The following NPLOC4 variants were observed in gnomAD, a reference collection of about 807,000 sequenced individuals.
NPLOC4 encodes NPL4 homolog, ubiquitin recognition factor, also known as nuclear protein localization protein 4 homolog.
Under a neutral mutation model 80.6 loss-of-function variants are expected in NPLOC4, and 18 were observed. The observed-to-expected ratio is 0.22, with a 90% CI of 0.15 to 0.33. The LOEUF (loss-of-function observed/expected upper bound fraction) is 0.33. NPLOC4 is among the 10% of genes least tolerant of loss of function. The probability of loss-of-function intolerance (pLI) is 1.00; values close to 1 mark genes in which losing one functional copy is unlikely to be tolerated. For missense variants in NPLOC4, 540 were observed against 786.1 expected (o/e 0.69, Z 3.74); for synonymous variants, 313 against 301.5 (o/e 1.04, Z -0.39).
At chr17:81,608,137 T>C (rs1011303450) in intron 6 of NPLOC4, among the ~76,000 whole-genome samples, 10 of 152,220 alleles carry the variant, frequency 6.6e-5, no homozygotes, top group African/African-American at 2.4e-4. Flanking sequence ...CCATGAGGAT[T>C]AGTGGCTGCA....
chr17:81,598,961 T>G (rs185285168), intron 9 of NPLOC4, among the ~76,000 whole-genome samples: 13 of 152,122 alleles, frequency 8.5e-5, no homozygotes, highest in East Asian at 3.9e-4. Flanking sequence ...TAAAGCAAAA[T>G]CAAAATCAAA....
At chr17:81,583,753 G>A (rs779282690) in intron 12 of NPLOC4, among the ~76,000 whole-genome samples, 1 of 152,192 alleles carries the variant, frequency 6.6e-6, no homozygotes, top group African/African-American at 2.4e-5. Flanking sequence ...ATATGGGACA[G>A]GGCAAAGCTG....
chr17:81,610,142 C>A, intron 5 of NPLOC4, 68 bp downstream of exon 5: 1 of 1,424,270 alleles, frequency 7.0e-7, no homozygotes, highest in East Asian at 2.5e-5. Context: ...TCAGGGCAAG[C>A]ACTTAAGACA....
At chr17:81,602,245 A>G (rs1568145714) in intron 8 of NPLOC4, among the ~76,000 whole-genome samples, 1 of 152,096 alleles carries the variant, frequency 6.6e-6, no homozygotes, top group Non-Finnish European at 1.5e-5. Flanking sequence ...AAACAAACAA[A>G]CAAACAAAAA....
intron 10 of NPLOC4, 46 bp downstream of exon 10, chr17:81,597,199 G>T: frequency 6.8e-7 from 1 of 1,474,350 alleles, no homozygotes; most frequent in Non-Finnish European, 9.5e-7. Context: ...AACACCATCT[G>T]TAACCAAGCC....
At chr17:81,632,177 T>C (rs748667383) in intron 1 of NPLOC4, among the ~76,000 whole-genome samples, 1 of 151,706 alleles carries the variant, frequency 6.6e-6, no homozygotes, top group South Asian at 2.1e-4. Context: ...GGTTTCAACA[T>C]GTTAGTCAAT....
intron 3 of NPLOC4, among the ~76,000 whole-genome samples, chr17:81,617,939 G>A (rs537330818): frequency 3.9e-5 from 6 of 152,288 alleles, no homozygotes; most frequent in African/African-American, 9.6e-5. Flanking sequence ...GATTGCAGAC[G>A]GAGTCTCGTT....
chr17:81,609,052 G>A (rs531764036), intron 5 of NPLOC4: 34 of 410,936 alleles, frequency 8.3e-5, no homozygotes, highest in African/African-American at 5.1e-4. Flanking sequence ...TCACTCTGTC[G>A]CCCAGGCTGG....
chr17:81,601,336 ACG>A (rs2035052164), intron 8 of NPLOC4, among the ~76,000 whole-genome samples: 1 of 152,248 alleles, frequency 6.6e-6, no homozygotes, highest in Non-Finnish European at 1.5e-5. Context: ...TACCTCCAGA[ACG>A]TAGGTTAAAT....
chr17:81,616,748 A>T (rs2035503902), intron 3 of NPLOC4, among the ~76,000 whole-genome samples: 1 of 152,042 alleles, frequency 6.6e-6, no homozygotes, highest in African/African-American at 2.4e-5. Context: ...AAAAAAGAGT[A>T]ACACACTACC....
Position 81,565,619 on chromosome 17 carries a change from CA to C in NPLOC4, c.1567-13del. The C allele has an allele frequency of 1.0e-5, 16 of 1,534,246 alleles. No homozygotes were observed. Among genetic ancestry groups the C allele is most frequent in the Non-Finnish European group, 1.3e-5 (15 of 1,143,040 alleles). On this transcript the variant is annotated splice_polypyrimidine_tract_variant and intron_variant, in intron 15 of 16. Transcript: ENST00000331134. ...AAGCTGATGCTGTCCTACAAGAAGCCAAAAGGAAGGTTCCTCTTCGCTGTGC... is the reference window on the plus strand; with the variant it reads ...AAGCTGATGCTGTCCTACAAGAAGCCAAAGGAAGGTTCCTCTTCGCTGTGC...
In NPLOC4 at chr17:81,558,703, C is replaced by CGACCTGCA. The variant is rs1222067852; in HGVS notation, c.*548_*555dup. On this transcript the variant is annotated 3_prime_UTR_variant, in exon 17 of 17. Transcript: ENST00000331134. ...GAGAGGAGGAGGGCAGGCAGCAAAC[C>CGACCTGCA]GACCTGCAGACCTGCAGAGGGGAGC... is the stretch of plus-strand genomic sequence containing the variant. The CGACCTGCA allele has an allele frequency of 1.3e-5, 2 of 152,258 alleles. No homozygotes were observed. The highest frequency in any genetic ancestry group is 2.9e-5 in the Non-Finnish European group (2 of 68,148). The allele number at this position is 152,258 out of a possible 1,614,324, so 9.4% of individuals were successfully genotyped here.
chr17:81,586,572 T>C (rs940803721), intron 12 of NPLOC4, among the ~76,000 whole-genome samples: 3 of 149,196 alleles, frequency 2.0e-5, no homozygotes, highest in African/African-American at 7.4e-5. Context: ...ATCGCGCCAC[T>C]GTACTCCAGC....
At chr17:81,622,317 C>A in intron 2 of NPLOC4, 39 bp from the exon 3 acceptor site, 1 of 1,431,316 alleles carries the variant, frequency 7.0e-7, no homozygotes, top group Non-Finnish European at 9.9e-7. Flanking sequence ...TAATGAAATG[C>A]TAAAGTATCA....
intron 8 of NPLOC4, among the ~76,000 whole-genome samples, chr17:81,603,101 C>A (rs957402633): frequency 1.3e-5 from 2 of 151,688 alleles, no homozygotes; most frequent in Non-Finnish European, 2.9e-5. Context: ...CCCAAGAGGG[C>A]TGCAATTGAG....
chr17:81,628,646 A>G (rs1179458088), intron 2 of NPLOC4, among the ~76,000 whole-genome samples: 1 of 152,214 alleles, frequency 6.6e-6, no homozygotes, highest in Non-Finnish European at 1.5e-5. Flanking sequence ...GTCTGAAGAG[A>G]AACAACACCA....
intron 12 of NPLOC4, among the ~76,000 whole-genome samples, chr17:81,588,707 T>C (rs776014644): frequency 5.9e-5 from 9 of 152,220 alleles, no homozygotes; most frequent in Non-Finnish European, 1.2e-4. Flanking sequence ...GATTTGGTGT[T>C]ACTGATCTCA....
intron 12 of NPLOC4, among the ~76,000 whole-genome samples, chr17:81,575,759 C>A (rs984886169): frequency 3.2e-4 from 48 of 152,312 alleles, no homozygotes; most frequent in Middle Eastern, 3.4e-3. Flanking sequence ...AGGCTCGGAC[C>A]CCAACAGCCG....
chr17:81,614,652 G>T (rs2035433625), intron 3 of NPLOC4, among the ~76,000 whole-genome samples: 1 of 151,520 alleles, frequency 6.6e-6, no homozygotes, highest in Non-Finnish European at 1.5e-5. Flanking sequence ...ATCACTTTCA[G>T]TCTGAAGTGT....
Sources: allele counts gnomAD v4.1 joint callset (sites outside exome capture counted in the v4.1 genomes callset), GRCh38; gene constraint gnomAD v4.1.1; transcripts MANE v1.5; gene names NCBI Gene and HGNC (gene_info 2026-07-23, HGNC 2026-07-21).